ERBB4: variants seen among roughly 807,000 people sequenced by gnomAD.
ERBB4 encodes the protein receptor tyrosine-protein kinase erbB-4.
ERBB4 carries 42 observed loss-of-function variants against 158.0 expected under a neutral mutation model. That is an observed-to-expected ratio of 0.27 (90% CI 0.21 to 0.34). The LOEUF is 0.34. Ranked by LOEUF, ERBB4 falls within the 10% of genes least tolerant of loss-of-function variation. The pLI, the probability that ERBB4 is intolerant of heterozygous loss-of-function variation, is 1.00. For missense variants in ERBB4, 1,333 were observed against 1,624.1 expected (o/e 0.82, Z 3.08); for synonymous variants, 583 against 558.7 (o/e 1.04, Z -0.61).
At chr2:211,966,457 G>C (rs11695844) in intron 2 of ERBB4, among the ~76,000 whole-genome samples, 25,289 of 151,892 alleles carry the variant, frequency 0.17, 2,236 homozygotes, top group Middle Eastern at 0.23. Context: ...GGCCAGGCTG[G>C]TCTCAAACTC....
intron 1 of ERBB4, among the ~76,000 whole-genome samples, chr2:212,199,897 A>C (rs890624290): frequency 6.6e-6 from 1 of 152,178 alleles, no homozygotes; most frequent in African/African-American, 2.4e-5. Flanking sequence ...AGGCCAGTGA[A>C]GTATGAAAAG....
intron 2 of ERBB4, among the ~76,000 whole-genome samples, chr2:212,018,852 G>A (rs1394330391): frequency 6.6e-6 from 1 of 152,068 alleles, no homozygotes; most frequent in Non-Finnish European, 1.5e-5. Context: ...TGGGCAATCT[G>A]GGGATAGTTA....
chr2:211,531,435 C>A (rs2066496467), intron 20 of ERBB4, among the ~76,000 whole-genome samples: 1 of 151,928 alleles, frequency 6.6e-6, no homozygotes, highest in Admixed American at 6.6e-5. Context: ...GGATTAATAA[C>A]CAGAAGGAAC....
Position 211,392,566 on chromosome 2 carries a change from A to G in ERBB4, c.3136-4574T>C, listed in dbSNP as rs981704920. ...GAAAAAACTCTCTTACTCCACACAC[A>G]CACACACACACACACACACACACAC... On this transcript the variant is annotated intron_variant, in intron 25 of 27. Transcript: ENST00000342788. Among the ~76,000 whole-genome samples the G allele has an allele frequency of 6.7e-3, 953 of 142,576 alleles. 8 individuals carry two copies. The highest frequency in any genetic ancestry group is 0.024 in the African/African-American group (879 of 36,306). The allele number at this position is 142,576 out of a possible 152,430, so 93.5% of individuals were successfully genotyped here. A position where few individuals can be genotyped will look rare whatever the true frequency, so the allele number is the denominator to read the frequency against.
intron 3 of ERBB4, among the ~76,000 whole-genome samples, chr2:211,915,079 G>A (rs964595599): frequency 2.6e-5 from 4 of 152,040 alleles, no homozygotes; most frequent in Non-Finnish European, 5.9e-5. Context: ...TAATATTAGC[G>A]CCCTCTTTTA....
chr2:212,456,398 GATAA>G (rs1221456415), intron 1 of ERBB4, among the ~76,000 whole-genome samples: 4 of 151,888 alleles, frequency 2.6e-5, no homozygotes, highest in Non-Finnish European at 4.4e-5. Context: ...AATCTGATGG[GATAA>G]ATAGAGTACA....
intron 2 of ERBB4, among the ~76,000 whole-genome samples, chr2:212,106,233 T>C (rs1020984074): frequency 6.6e-6 from 1 of 152,204 alleles, no homozygotes; most frequent in African/African-American, 2.4e-5. Context: ...TGAATGGGTT[T>C]GACCAAAATG....
chr2:212,095,946 G>GAAAAAAAAAAAAAAAAAAAAAAAAAAA (rs35084866), intron 2 of ERBB4, among the ~76,000 whole-genome samples: 1 of 130,174 alleles, frequency 7.7e-6, no homozygotes, highest in Non-Finnish European at 1.6e-5. Flanking sequence ...AAAAAAAAAA[G>GAAAAAAAAAAAAAAAAAAAAAAAAAAA]AAAAAAAAAA....
rs147188487 is a variant in ERBB4 at position 211,632,137 on chromosome 2, G to A, written c.1947-1543C>T. Among the ~76,000 whole-genome samples, 14 of 152,084 alleles carry A rather than the reference G, an allele frequency of 9.2e-5. No homozygotes were observed. The East Asian group carries it at 2.7e-3, about 29-fold the overall frequency. On this transcript the variant is annotated intron_variant, in intron 16 of 27. Coordinates refer to ENST00000342788, the MANE Select transcript of ERBB4 (RefSeq NM_005235.3). Reference sequence around the variant, plus strand: ...TTTCCTGACAGCTCAAAGTACTATAGTATACTGAAATGTTGCTATAATTCA... The same window carrying A: ...TTTCCTGACAGCTCAAAGTACTATAATATACTGAAATGTTGCTATAATTCA...
At chr2:212,458,489 G>T (rs1314251404) in intron 1 of ERBB4, among the ~76,000 whole-genome samples, 1 of 152,116 alleles carries the variant, frequency 6.6e-6, no homozygotes, top group South Asian at 2.1e-4. Flanking sequence ...CAGGCATATA[G>T]AGAGAGGAAG....
intron 19 of ERBB4, among the ~76,000 whole-genome samples, chr2:211,566,259 C>T (rs541822955): frequency 2.5e-4 from 38 of 152,224 alleles, no homozygotes; most frequent in Admixed American, 2.4e-3. Context: ...AGGAGTGGGA[C>T]CTCTCCAATG....
chr2:212,312,713 T>A (rs2087103250), intron 1 of ERBB4, among the ~76,000 whole-genome samples: 2 of 151,142 alleles, frequency 1.3e-5, no homozygotes, highest in Non-Finnish European at 1.5e-5. Flanking sequence ...CAGGTATATA[T>A]CTGAATATAT....
intron 20 of ERBB4, among the ~76,000 whole-genome samples, chr2:211,551,207 A>C (rs2067086750): frequency 6.6e-6 from 1 of 152,224 alleles, no homozygotes; most frequent in African/African-American, 2.4e-5. Context: ...TACTGTGAAT[A>C]AAATCTTACC....
intron 3 of ERBB4, among the ~76,000 whole-genome samples, chr2:211,893,312 G>A (rs1191460716): frequency 1.4e-5 from 2 of 144,442 alleles, no homozygotes; most frequent in Admixed American, 1.4e-4. Context: ...AAGGGGGAAA[G>A]GATTCCCTAT....
In ERBB4 at chr2:212,007,897, G is replaced by A. The variant is rs73081394; in HGVS notation, c.235-60281C>T. Among the ~76,000 whole-genome samples, 548 of 151,974 alleles carry A rather than the reference G, an allele frequency of 3.6e-3. 2 individuals carry two copies. Among genetic ancestry groups the A allele is most frequent in the African/African-American group, 0.013 (520 of 41,494 alleles). Reference sequence around the variant, plus strand: ...AGGGTCTTCCTTATTCAAGAAAATTGGTTTAATTCTTTAACACAAAATATT... The same window carrying A: ...AGGGTCTTCCTTATTCAAGAAAATTAGTTTAATTCTTTAACACAAAATATT... On this transcript the variant is annotated intron_variant, in intron 2 of 27. Coordinates refer to ENST00000342788, the MANE Select transcript of ERBB4 (RefSeq NM_005235.3).
chr2:212,212,359 A>C (rs562859206), intron 1 of ERBB4, among the ~76,000 whole-genome samples: 1 of 152,222 alleles, frequency 6.6e-6, no homozygotes, highest in Non-Finnish European at 1.5e-5. Flanking sequence ...CTAACAGGGC[A>C]TGTGAAGGAC....
At chr2:212,395,484 C>T (rs2090997384) in intron 1 of ERBB4, among the ~76,000 whole-genome samples, 1 of 151,778 alleles carries the variant, frequency 6.6e-6, no homozygotes, top group South Asian at 2.1e-4. Flanking sequence ...ACCTGTTGAC[C>T]TAATGTCCTA....
intron 20 of ERBB4, among the ~76,000 whole-genome samples, chr2:211,530,619 G>A (rs952263516): frequency 6.6e-6 from 1 of 152,140 alleles, no homozygotes; most frequent in African/African-American, 2.4e-5. Context: ...GCCAGGCAGA[G>A]TCGTTCACAC....
intron 1 of ERBB4, among the ~76,000 whole-genome samples, chr2:212,526,069 T>C (rs1202096992): frequency 6.6e-6 from 1 of 152,096 alleles, no homozygotes; most frequent in African/African-American, 2.4e-5. Flanking sequence ...ACAGAGCTCA[T>C]CCTGCCAGTA....
Sources: allele counts gnomAD v4.1 joint callset (sites outside exome capture counted in the v4.1 genomes callset), GRCh38; gene constraint gnomAD v4.1.1; transcripts MANE v1.5; gene names NCBI Gene and HGNC (gene_info 2026-07-23, HGNC 2026-07-21).